TBP: variants seen among roughly 807,000 people sequenced by gnomAD.
TBP encodes the protein TATA-box binding protein.
Under a neutral mutation model 46.2 loss-of-function variants are expected in TBP, and 12 were observed. The observed-to-expected ratio is 0.26, with a 90% confidence interval of 0.17 to 0.42. TBP has a LOEUF of 0.42. Ranked by LOEUF, TBP falls within the 10% of genes least tolerant of loss-of-function variation. The pLI is 1.00. For synonymous variants in TBP, 157 were observed against 148.3 expected (o/e 1.06, Z -0.42); for missense variants, 229 against 403.1 (o/e 0.57, Z 3.70).
chr6:170,561,628 A>G (rs1297486159), intron 2 of TBP, among the ~76,000 whole-genome samples, 163 bp from the exon 3 acceptor site: 1 of 152,208 alleles, frequency 6.6e-6, no homozygotes, highest in Non-Finnish European at 1.5e-5. Context: ...GAAGAAAGCA[A>G]TGTGTATAAG....
chr6:170,564,397 CATG>C lies in TBP; in HGVS notation c.498-145_498-143del, dbSNP rs1314137932. ...ATCTATATAAAATGCTCAACATGTG[CATG>C]ATACTTGTTAAACAATAAATGTGAG... On this transcript the variant is annotated intron_variant, in intron 3 of 7. Transcript: ENST00000392092. 9 of 507,948 alleles carry C rather than the reference CATG, an allele frequency of 1.8e-5. No individual in the cohort carries two copies. The African/African-American group carries it at 1.8e-4, about 10-fold the overall frequency. The allele number at this position is 507,948 out of a possible 1,614,324, so 31.5% of individuals were successfully genotyped here.
intron 3 of TBP, 86 bp from the exon 4 acceptor site, chr6:170,564,459 T>G: frequency 1.1e-6 from 1 of 896,368 alleles, no homozygotes; most frequent in Non-Finnish European, 1.7e-6. Context: ...GTTGAAATAA[T>G]CAGATGTCTG....
intron 3 of TBP, among the ~76,000 whole-genome samples, chr6:170,564,267 C>T (rs546470100): frequency 1.1e-4 from 16 of 152,276 alleles, no homozygotes; most frequent in Middle Eastern, 6.8e-3. Context: ...GGAGCCATTG[C>T]GTCCTGAGCA....
chr6:170,555,882 C>T, intron 1 of TBP, among the ~76,000 whole-genome samples: 1 of 152,214 alleles, frequency 6.6e-6, no homozygotes, highest in East Asian at 1.9e-4. Context: ...GGACTATATC[C>T]TCCTATCTTT....
intron 1 of TBP, 42 bp from the exon 2 acceptor site, chr6:170,556,840 C>T (rs1779040226): frequency 3.3e-6 from 2 of 599,194 alleles, no homozygotes; most frequent in South Asian, 4.2e-5. Flanking sequence ...GTACAGGTTA[C>T]CTGGATCCTT....
chr6:170,564,932 G>A (rs368651499), intron 4 of TBP, among the ~76,000 whole-genome samples: 30 of 152,122 alleles, frequency 2.0e-4, no homozygotes, highest in East Asian at 1.2e-3. Flanking sequence ...CGAGGTGGGC[G>A]GATCATCTGA....
intron 2 of TBP, among the ~76,000 whole-genome samples, chr6:170,559,855 T>C (rs1779109274): frequency 6.6e-6 from 1 of 152,224 alleles, no homozygotes; most frequent in South Asian, 2.1e-4. Flanking sequence ...TAGGGGCTAA[T>C]AGAGCTGGTG....
chr6:170,556,677 T>C (rs1408128529), intron 1 of TBP, among the ~76,000 whole-genome samples: 1 of 152,210 alleles, frequency 6.6e-6, no homozygotes, highest in African/African-American at 2.4e-5. Context: ...AACAAAATGA[T>C]TTTTGTTTTG....
chr6:170,565,902 G>A (rs984638502), intron 4 of TBP, among the ~76,000 whole-genome samples: 1 of 151,960 alleles, frequency 6.6e-6, no homozygotes, highest in Non-Finnish European at 1.5e-5. Context: ...GCAAGGCCTT[G>A]TTTCATCAGA....
At position 170,557,019 on chromosome 6, in the gene TBP, A is replaced by C. The variant is rs1365541367; in HGVS notation, c.-11A>C. On this transcript the variant is annotated 5_prime_UTR_variant, in exon 2 of 8. Transcript: ENST00000392092. ...AAGGGTTTCTGGTTTGCCAAGAAGA[A>C]AGTGAACATCATGGATCAGAACAAC... is the stretch of plus-strand genomic sequence containing the variant. 1 of 1,613,970 alleles carries C rather than the reference A, an allele frequency of 6.2e-7. No individual in the cohort carries two copies. The highest frequency in any genetic ancestry group is 8.5e-7 in the Non-Finnish European group (1 of 1,179,946).
intron 4 of TBP, among the ~76,000 whole-genome samples, chr6:170,565,113 C>T (rs1050083359): frequency 3.3e-5 from 5 of 152,080 alleles, no homozygotes; most frequent in East Asian, 1.9e-4. Context: ...GCGGAGATTG[C>T]GCCATTGCAT....
chr6:170,564,712 C>T (rs540147659), intron 4 of TBP, 80 bp downstream of exon 4: 53 of 952,896 alleles, frequency 5.6e-5, no homozygotes, highest in Admixed American at 8.0e-5. Context: ...ATGTATTTCA[C>T]GCTATAAAAC....
At chr6:170,571,882 T>C (rs1056785486) in intron 7 of TBP, among the ~76,000 whole-genome samples, 1 of 151,856 alleles carries the variant, frequency 6.6e-6, no homozygotes, top group Non-Finnish European at 1.5e-5. Context: ...TCAGTTGTTA[T>C]CATTGCCGTC....
chr6:170,564,746 C>A, intron 4 of TBP, 114 bp downstream of exon 4: 2 of 578,568 alleles, frequency 3.5e-6, no homozygotes, highest in Non-Finnish European at 5.5e-6. Context: ...TCAGGCCAGG[C>A]ACAGTGGCTA....
intron 5 of TBP, among the ~76,000 whole-genome samples, chr6:170,568,780 T>C (rs1376007136): frequency 6.7e-6 from 1 of 149,418 alleles, no homozygotes; most frequent in Non-Finnish European, 1.5e-5. Flanking sequence ...CTCTTTTATT[T>C]TTTCTTTTTT....
Position 170,556,919 on chromosome 6 carries a change from A to C in TBP, c.-111A>C. The C allele has an allele frequency of 1.0e-6, 1 of 955,144 alleles. No homozygotes were observed. The highest frequency in any genetic ancestry group is 1.7e-6 in the Non-Finnish European group (1 of 604,128). The allele number at this position is 955,144 out of a possible 1,614,324, so 59.2% of individuals were successfully genotyped here. ...TTGGCGTGTGAAGATAACCCAAGGA[A>C]TTGAGGAAGTTGCTGAGAAGAGTGT... On this transcript the variant is annotated 5_prime_UTR_variant, in exon 2 of 8. Transcript: ENST00000392092.
In TBP at chr6:170,561,837, A is replaced by T. The variant is rs1394976596; in HGVS notation, c.101A>T (p.Tyr34Phe). Residue 34 changes from tyrosine to phenylalanine, a missense_variant, in exon 3 of 8, where the codon TAT (tyrosine) becomes TTT (phenylalanine). Coordinates refer to ENST00000392092, the MANE Select transcript of TBP (RefSeq NM_003194.5). ...GIPIFSPMMP[Y>F]GTGLTPQPIQ... ...CCTATCTTTAGTCCAATGATGCCTT[A>T]TGGCACTGGACTGACCCCACAGCCT... is the stretch of plus-strand genomic sequence containing the variant. 6.2e-7 allele frequency: 1 copy of T among 1,613,698 alleles called. No homozygotes were observed. Among genetic ancestry groups the T allele is most frequent in the African/African-American group, 1.3e-5 (1 of 74,878 alleles).
At chr6:170,561,211 T>G (rs951208303) in intron 2 of TBP, among the ~76,000 whole-genome samples, 2 of 152,240 alleles carry the variant, frequency 1.3e-5, no homozygotes, top group Non-Finnish European at 2.9e-5. Flanking sequence ...ATATACATAT[T>G]ATTAGACATA....
chr6:170,562,745 T>A (rs540224697), intron 3 of TBP, among the ~76,000 whole-genome samples: 13 of 152,356 alleles, frequency 8.5e-5, no homozygotes, highest in African/African-American at 3.1e-4. Flanking sequence ...TGAAGTGGGT[T>A]CTATATGTAA....
Sources: allele counts gnomAD v4.1 joint callset (sites outside exome capture counted in the v4.1 genomes callset), GRCh38; gene constraint gnomAD v4.1.1; transcripts MANE v1.5; gene names NCBI Gene and HGNC (gene_info 2026-07-23, HGNC 2026-07-21).